KLHL2: variants seen among roughly 807,000 people sequenced by gnomAD.
The protein encoded by KLHL2 is kelch-like protein 2.
A neutral mutation model predicts 75.8 loss-of-function variants in KLHL2; 15 were observed. The ratio of observed to expected loss-of-function variants is 0.20; its 90% CI spans 0.13 to 0.30. The LOEUF is 0.30. KLHL2 is among the 10% of genes least tolerant of loss of function. The pLI is 1.00. For synonymous variants in KLHL2, 214 were observed against 251.9 expected, an observed-to-expected ratio of 0.85 and a Z score of 1.42; for missense variants, 381 against 741.0, an observed-to-expected ratio of 0.51 and a Z score of 5.64.
chr4:165,258,234 A>C (rs1196025555), intron 4 of KLHL2, among the ~76,000 whole-genome samples: 2 of 152,178 alleles, frequency 1.3e-5, no homozygotes, highest in Non-Finnish European at 2.9e-5. Context: ...TTTAACATTC[A>C]AAATATATAT....
chr4:165,265,453 C>T (rs1267604770), intron 5 of KLHL2, among the ~76,000 whole-genome samples: 2 of 151,794 alleles, frequency 1.3e-5, no homozygotes, highest in African/African-American at 4.8e-5. Flanking sequence ...TTTTTTGTTT[C>T]GGCCAATGCC....
chr4:165,278,170 A>G, intron 5 of KLHL2: 2 of 1,390,080 alleles, frequency 1.4e-6, no homozygotes, highest in Non-Finnish European at 2.1e-6. Flanking sequence ...TTTCCTCAGC[A>G]TTAATCTGAG....
At chr4:165,223,117 A>T (rs1738140668) in intron 2 of KLHL2, among the ~76,000 whole-genome samples, 1 of 152,272 alleles carries the variant, frequency 6.6e-6, no homozygotes, top group African/African-American at 2.4e-5. Flanking sequence ...CTAGCTTTAT[A>T]TCCCAGCCTG....
chr4:165,294,806 C>G (rs1744791331), intron 6 of KLHL2, among the ~76,000 whole-genome samples: 2 of 152,176 alleles, frequency 1.3e-5, no homozygotes, highest in East Asian at 1.9e-4. Flanking sequence ...AAACTAGTTT[C>G]TTCCTACAAC....
chr4:165,289,211 G>A (rs555120702), intron 5 of KLHL2, among the ~76,000 whole-genome samples: 88 of 152,108 alleles, frequency 5.8e-4, no homozygotes, highest in Middle Eastern at 3.4e-3. Flanking sequence ...ATAAATAGAA[G>A]AAAGGCAGGC....
intron 8 of KLHL2, among the ~76,000 whole-genome samples, chr4:165,300,895 T>C (rs193237074): frequency 5.8e-4 from 89 of 152,338 alleles, no homozygotes; most frequent in African/African-American, 2.0e-3. Context: ...TTAATATTTT[T>C]CTAAGTTTTA....
chr4:165,318,309 C>T (rs927846885), intron 14 of KLHL2, among the ~76,000 whole-genome samples: 1 of 152,208 alleles, frequency 6.6e-6, no homozygotes, highest in African/African-American at 2.4e-5. Context: ...AGGATTCCTA[C>T]ATCTCCCCAT....
chr4:165,277,745 A>AAAAAACAAAACAAAAC (rs1491119493), intron 5 of KLHL2: 2 of 551,476 alleles, frequency 3.6e-6, no homozygotes, highest in African/African-American at 5.0e-5. Context: ...TGTGGATGTT[A>AAAAAACAAAACAAAAC]AAAACACACA....
intron 9 of KLHL2, among the ~76,000 whole-genome samples, chr4:165,307,524 C>G (rs2126549315): frequency 6.6e-6 from 1 of 152,276 alleles, no homozygotes; most frequent in Non-Finnish European, 1.5e-5. Context: ...CATTGATTCT[C>G]TTATGCTGTT....
intron 9 of KLHL2, among the ~76,000 whole-genome samples, chr4:165,306,156 C>G (rs1429141057): frequency 6.6e-6 from 1 of 152,178 alleles, no homozygotes. Context: ...TTAGCCAAAG[C>G]TGTGATCAAA....
intron 4 of KLHL2, among the ~76,000 whole-genome samples, chr4:165,256,702 T>C (rs1741203213): frequency 6.6e-6 from 1 of 152,244 alleles, no homozygotes. Context: ...ACCATTTAAA[T>C]GGTACATAGA....
chr4:165,301,325 C>G (rs1049381178), intron 8 of KLHL2, among the ~76,000 whole-genome samples: 1 of 152,206 alleles, frequency 6.6e-6, no homozygotes, highest in Non-Finnish European at 1.5e-5. Flanking sequence ...TCAGAATTAT[C>G]ATCACTTAAC....
At chr4:165,216,802 T>C (rs1285015877) in intron 1 of KLHL2, among the ~76,000 whole-genome samples, 1 of 152,212 alleles carries the variant, frequency 6.6e-6, no homozygotes, top group Non-Finnish European at 1.5e-5. Context: ...GATGTATTTG[T>C]AAGTGACTCT....
At chr4:165,218,466 A>G (rs560534694) in intron 1 of KLHL2, among the ~76,000 whole-genome samples, 3 of 152,224 alleles carry the variant, frequency 2.0e-5, no homozygotes, top group Non-Finnish European at 4.4e-5. Context: ...GTTCTCAACT[A>G]GGCCTTCCCT....
intron 4 of KLHL2, among the ~76,000 whole-genome samples, chr4:165,244,040 C>G (rs1403948915): frequency 1.3e-5 from 2 of 149,176 alleles, no homozygotes; most frequent in Non-Finnish European, 3.0e-5. Flanking sequence ...AATCATGCAC[C>G]AACTATAATT....
chr4:165,207,801 G>A lies in KLHL2; in HGVS notation c.-76G>A. 4 of 1,325,060 alleles carry A rather than the reference G, an allele frequency of 3.0e-6. No individual in the cohort carries two copies. Among genetic ancestry groups the A allele is most frequent in the South Asian group, 1.4e-5 (1 of 71,468 alleles). The allele number at this position is 1,325,060 out of a possible 1,614,324, so 82.1% of individuals were successfully genotyped here. ...TGGAACGCGGCTCGGCGGGCGGGCA[G>A]TGCCGGCGTCCGCGGCTGGAATGGT... On this transcript the variant is annotated 5_prime_UTR_variant, in exon 1 of 15. In the 5' UTR this introduces an upstream ATG that the reference lacks. Coordinates refer to ENST00000226725, the MANE Select transcript of KLHL2 (RefSeq NM_007246.4). The surrounding 1 kb of genome is among the most constrained non-coding windows in gnomAD (Gnocchi z 4.2).
intron 3 of KLHL2, among the ~76,000 whole-genome samples, chr4:165,232,878 CTTTTTT>C (rs912954260): frequency 6.8e-4 from 36 of 52,582 alleles, no homozygotes; most frequent in Middle Eastern, 0.018. Flanking sequence ...CCCTGTTAAG[CTTTTTT>C]TTTTTTTTTT....
intron 5 of KLHL2, among the ~76,000 whole-genome samples, chr4:165,277,634 A>G (rs574925876): frequency 3.4e-4 from 51 of 152,166 alleles, no homozygotes; most frequent in Admixed American, 9.2e-4. Flanking sequence ...GAAGATTCCA[A>G]TGGTGAGGAT....
rs543137959 is a variant in KLHL2 at position 165,285,596 on chromosome 4, G to A, written c.545-8763G>A. Among the ~76,000 whole-genome samples the A allele has an allele frequency of 8.9e-4, 135 of 152,068 alleles. 1 individual carries two copies. Among genetic ancestry groups the A allele is most frequent in the African/African-American group, 3.0e-3 (123 of 41,496 alleles). On this transcript the variant is annotated intron_variant, in intron 5 of 14. Transcript: ENST00000226725. ...TAATTTTTGTATTTTTAGTAGAGAC[G>A]GGGTTTCATCATGTTGGCCAGGCTG...
Sources: allele counts gnomAD v4.1 joint callset (sites outside exome capture counted in the v4.1 genomes callset), GRCh38; gene constraint gnomAD v4.1.1; non-coding constraint Gnocchi (gnomAD v3.1); transcripts MANE v1.5; gene names NCBI Gene and HGNC (gene_info 2026-07-23, HGNC 2026-07-21).